Variants in CUX2 observed in about 807,000 individuals in gnomAD.
CUX2 encodes homeobox protein cut-like 2.
A neutral mutation model predicts 144.8 loss-of-function variants in CUX2; 40 were observed. The ratio of observed to expected loss-of-function variants is 0.28; its 90% CI spans 0.21 to 0.36. CUX2 has a LOEUF of 0.36. Ranked by LOEUF, CUX2 falls within the 10% of genes least tolerant of loss-of-function variation. The pLI is 1.00. For missense variants in CUX2, 1,615 were observed against 1,994.0 expected, an observed-to-expected ratio of 0.81 and a Z score of 3.62; for synonymous variants, 827 against 875.6, an observed-to-expected ratio of 0.94 and a Z score of 0.98.
At position 111,312,211 on chromosome 12, in the gene CUX2, AC is replaced by A; in HGVS notation, c.2002+14del. The A allele has an allele frequency of 3.8e-6, 6 of 1,596,494 alleles. No homozygotes were observed. The highest frequency in any genetic ancestry group is 5.1e-6 in the Non-Finnish European group (6 of 1,169,764). On this transcript the variant is annotated intron_variant, in intron 16 of 21. Coordinates refer to ENST00000261726, the MANE Select transcript of CUX2 (RefSeq NM_015267.4). This position sits in a 1 kb window ranked among gnomAD's most constrained non-coding sequence, Gnocchi z 4.3. The stretch of plus-strand genomic sequence containing the variant: ...GAGTCGCAGAAGGGCGGTGAGTGTG[AC>A]CCCTGCAGGCAAAGCCTGAGGCCCC...
chr12:111,295,522 G>A lies in CUX2; in HGVS notation c.637+113G>A. The A allele has an allele frequency of 1.2e-6, 1 of 857,332 alleles. No individual in the cohort carries two copies. Among genetic ancestry groups the A allele is most frequent in the Non-Finnish European group, 1.8e-6 (1 of 562,330 alleles). The allele number at this position is 857,332 out of a possible 1,614,324, so 53.1% of individuals were successfully genotyped here. ...CATCCAGGTGTTTTAGAATCAAGAG[G>A]GCAAAATGGGAGTTTGGGAAGAATA... On this transcript the variant is annotated intron_variant, in intron 7 of 21. Coordinates refer to ENST00000261726, the MANE Select transcript of CUX2 (RefSeq NM_015267.4). The surrounding 1 kb of genome is among the most constrained non-coding windows in gnomAD (Gnocchi z 5.0).
At chr12:111,221,154 G>A (rs1295542623) in intron 3 of CUX2, among the ~76,000 whole-genome samples, 3 of 152,140 alleles carry the variant, frequency 2.0e-5, no homozygotes, top group African/African-American at 7.2e-5. Context: ...AAAGAACTTT[G>A]TTAATTTTCT....
Position 111,263,372 on chromosome 12 carries a change from A to G in CUX2, c.223-389A>G, listed in dbSNP as rs1884224821. On this transcript the variant is annotated intron_variant, in intron 3 of 21. Coordinates refer to ENST00000261726, the MANE Select transcript of CUX2 (RefSeq NM_015267.4). The surrounding 1 kb of genome is among the most constrained non-coding windows in gnomAD (Gnocchi z 4.0). ...TGTAATCCCAGAACTTTGGGAGGCC[A>G]AGGTGGGCAGATAACCTGAGGTCAA... is the stretch of plus-strand genomic sequence containing the variant. Among the ~76,000 whole-genome samples the G allele has an allele frequency of 6.6e-6, 1 of 152,160 alleles. No homozygotes were observed. Among genetic ancestry groups the G allele is most frequent in the Non-Finnish European group, 1.5e-5 (1 of 67,998 alleles).
Position 111,190,853 on chromosome 12 carries a change from G to A in CUX2, c.64-23347G>A, listed in dbSNP as rs1254461684. On this transcript the variant is annotated intron_variant, in intron 1 of 21. Transcript: ENST00000261726. This position sits in a 1 kb window ranked among gnomAD's most constrained non-coding sequence, Gnocchi z 4.0. ...ATCTGTGTGCGTTGACTCCTGCCAT[G>A]AAACTGACACCCTCCAAGGACCCTC... 6.6e-6 allele frequency among the ~76,000 whole-genome samples: 1 copy of A among 152,200 alleles called. No individual in the cohort carries two copies. The highest frequency in any genetic ancestry group is 1.5e-5 in the Non-Finnish European group (1 of 68,032).
chr12:111,035,070 G>A lies in CUX2; in HGVS notation c.63+830G>A, dbSNP rs1474893404. Among the ~76,000 whole-genome samples, 2 of 152,158 alleles carry A rather than the reference G, an allele frequency of 1.3e-5. No homozygotes were observed. Among genetic ancestry groups the A allele is most frequent in the African/African-American group, 2.4e-5 (1 of 41,446 alleles). On this transcript the variant is annotated intron_variant, in intron 1 of 21. Transcript: ENST00000261726. The surrounding 1 kb of genome is among the most constrained non-coding windows in gnomAD (Gnocchi z 6.0). ...TTGCGCTCCTGCCTCCAGGGCGGTG[G>A]AGAGCCGGGAGCGGCGCAGAGCAGG...
intron 1 of CUX2, among the ~76,000 whole-genome samples, chr12:111,085,420 G>A (rs1379107858): frequency 1.3e-5 from 2 of 152,198 alleles, no homozygotes; most frequent in African/African-American, 2.4e-5. Flanking sequence ...GGGTGTTCCA[G>A]GCATTCCCTG....
intron 1 of CUX2, among the ~76,000 whole-genome samples, chr12:111,123,824 C>T (rs1341836051): frequency 1.3e-5 from 2 of 152,214 alleles, no homozygotes; most frequent in East Asian, 3.9e-4. Flanking sequence ...GCGTGAGCCA[C>T]CGCGCCCAGA....
chr12:111,214,215 G>T lies in CUX2; in HGVS notation c.79G>T (p.Val27Phe), dbSNP rs200420920. The T allele has an allele frequency of 5.1e-4, 761 of 1,496,796 alleles. 1 individual carries two copies. Among genetic ancestry groups the T allele is most frequent in the Non-Finnish European group, 6.1e-4 (686 of 1,122,712 alleles). The allele number at this position is 1,496,796 out of a possible 1,614,324, so 92.7% of individuals were successfully genotyped here. The change falls in exon 2 of 22, where the codon GTC (valine) becomes TTC (phenylalanine). Residue 27 changes from valine to phenylalanine, a missense_variant. Transcript: ENST00000261726. ...ATTGTTCCAGAAGGAGCTTAATTCC[G>T]TCGCTTCTGAGCTGTCTGCACGGCA... ...LRRLQKELNS[V>F]ASELSARQEE...
At position 111,307,468 on chromosome 12, in the gene CUX2, C is replaced by T. The variant is rs930403938; in HGVS notation, c.1109+211C>T. ...CTTTGGGAGGCCCAGGCAGGAGGAT[C>T]GCTTGAGGTCAGGAGTTTGAGACCA... On this transcript the variant is annotated intron_variant, in intron 12 of 21. Coordinates refer to ENST00000261726, the MANE Select transcript of CUX2 (RefSeq NM_015267.4). The surrounding 1 kb of genome is among the most constrained non-coding windows in gnomAD (Gnocchi z 4.1). 6.6e-6 allele frequency among the ~76,000 whole-genome samples: 1 copy of T among 152,184 alleles called. No homozygotes were observed. The highest frequency in any genetic ancestry group is 1.5e-5 in the Non-Finnish European group (1 of 68,032).
chr12:111,248,677 T>C (rs1883404412), intron 3 of CUX2, among the ~76,000 whole-genome samples: 1 of 152,062 alleles, frequency 6.6e-6, no homozygotes, highest in Non-Finnish European at 1.5e-5. Flanking sequence ...CTAATGCTCA[T>C]GGGGCCTGGA....
intron 1 of CUX2, among the ~76,000 whole-genome samples, chr12:111,111,465 G>A (rs547644620): frequency 1.3e-5 from 2 of 152,180 alleles, no homozygotes; most frequent in South Asian, 2.1e-4. Flanking sequence ...GGGTCTCCCC[G>A]ATCTCCAAGG....
chr12:111,191,081 G>C (rs1879846441), intron 1 of CUX2, among the ~76,000 whole-genome samples: 1 of 152,160 alleles, frequency 6.6e-6, no homozygotes, highest in South Asian at 2.1e-4. Flanking sequence ...CCTCTGCAGG[G>C]GCTGGATCTG....
intron 3 of CUX2, among the ~76,000 whole-genome samples, chr12:111,225,983 T>A (rs1882117170): frequency 6.6e-6 from 1 of 152,156 alleles, no homozygotes. Flanking sequence ...CCACCCTTTT[T>A]CCGCTGCCGG....
intron 4 of CUX2, among the ~76,000 whole-genome samples, chr12:111,266,255 T>A (rs1884379533): frequency 6.6e-6 from 1 of 151,824 alleles, no homozygotes; most frequent in South Asian, 2.1e-4. Flanking sequence ...GGCAGGAGGA[T>A]CACTTGAGGT....
chr12:111,227,990 T>G (rs1488261574), intron 3 of CUX2, among the ~76,000 whole-genome samples: 1 of 152,144 alleles, frequency 6.6e-6, no homozygotes, highest in Non-Finnish European at 1.5e-5. Flanking sequence ...GCAATCACGT[T>G]ACGGTTGAGT....
Position 111,304,401 on chromosome 12 carries a change from C to T in CUX2, c.858+87C>T. The T allele has an allele frequency of 9.1e-7, 1 of 1,095,550 alleles. No individual in the cohort carries two copies. The highest frequency in any genetic ancestry group is 1.4e-6 in the Non-Finnish European group (1 of 737,418). 67.9% of individuals were successfully genotyped at this position (1,095,550 alleles called of 1,614,324 possible). ...TTTGCAGGTTTCAGCATGTGGGTGA[C>T]ACTTTGTGGTTGATTGTGTGCATCC... is the stretch of plus-strand genomic sequence containing the variant. On this transcript the variant is annotated intron_variant, in intron 10 of 21. Transcript: ENST00000261726. The surrounding 1 kb of genome is among the most constrained non-coding windows in gnomAD (Gnocchi z 4.7).
chr12:111,151,746 G>A (rs1566256591), intron 1 of CUX2, among the ~76,000 whole-genome samples: 1 of 152,144 alleles, frequency 6.6e-6, no homozygotes, highest in Non-Finnish European at 1.5e-5. Flanking sequence ...GGAGATCTCT[G>A]TGCTGTCTGG....
At chr12:111,050,160 C>A (rs1470729605) in intron 1 of CUX2, among the ~76,000 whole-genome samples, 2 of 152,132 alleles carry the variant, frequency 1.3e-5, no homozygotes, top group African/African-American at 2.4e-5. Flanking sequence ...CCGCTTCCCC[C>A]ACAGAGCCCC....
Position 111,255,404 on chromosome 12 carries a change from G to A in CUX2, c.223-8357G>A, listed in dbSNP as rs868064476. ...GATGGCAGAGAGCACGTTAGCACTC[G>A]CCAGGGAACGGGGGCCCCAGCAGAC... On this transcript the variant is annotated intron_variant, in intron 3 of 21. Transcript: ENST00000261726. The surrounding 1 kb of genome is among the most constrained non-coding windows in gnomAD (Gnocchi z 4.1). Among the ~76,000 whole-genome samples the A allele has an allele frequency of 1.4e-4, 22 of 152,334 alleles. No homozygotes were observed. The highest frequency in any genetic ancestry group is 4.3e-4 in the African/African-American group (18 of 41,578).
Sources: gnomAD v4.1 joint callset for allele counts (sites outside exome capture counted in the v4.1 genomes callset) on GRCh38, gnomAD v4.1.1 for gene constraint, Gnocchi (gnomAD v3.1) non-coding constraint, MANE v1.5 for transcripts, NCBI Gene and HGNC (gene_info 2026-07-23, HGNC 2026-07-21) for gene names.